Variants in ATP12A observed in about 807,000 individuals in gnomAD.
The protein encoded by ATP12A is potassium-transporting ATPase alpha chain 2.
Under a neutral mutation model 111.2 loss-of-function variants are expected in ATP12A, and 81 were observed. That is an observed-to-expected ratio of 0.73 (90% confidence interval 0.61 to 0.88). The LOEUF (loss-of-function observed/expected upper bound fraction) is 0.88. Ranked by LOEUF, ATP12A falls within the 40% of genes least tolerant of loss-of-function variation. ATP12A has a pLI of 0.00. For missense variants in ATP12A, 1,196 were observed against 1,313.1 expected (o/e 0.91, Z 1.38); for synonymous variants, 498 against 499.8 (o/e 1.00, Z 0.05).
Position 24,691,267 on chromosome 13 carries a change from A to T in ATP12A, c.1068+17A>T. 6.2e-7 allele frequency: 1 copy of T among 1,600,324 alleles called. No homozygotes were observed. The highest frequency in any genetic ancestry group is 8.5e-7 in the Non-Finnish European group (1 of 1,173,860). ...ACTGTCACTGTGAGTCCATGCTGTT[A>T]GACAGCCTGCACCTGGCCCTGTGGA... On this transcript the variant is annotated intron_variant, in intron 8 of 22. Transcript: ENST00000381946.
At position 24,692,838 on chromosome 13, in the gene ATP12A, T is replaced by C. The variant is rs1432158534; in HGVS notation, c.1319T>C (p.Ile440Thr). The C allele has an allele frequency of 6.2e-7, 1 of 1,614,070 alleles. No individual in the cohort carries two copies. The highest frequency in any genetic ancestry group is 1.3e-5 in the African/African-American group (1 of 74,918). The part of the protein sequence containing the change: ...SRTWASLSKI[I>T]TLCNRAEFKP... ...ACTTGGGCCTCCTTATCCAAGATAA[T>C]AACATTGTGTAACCGAGCAGAGTTC... The change falls in exon 10 of 23, where the codon ATA (isoleucine) becomes ACA (threonine). Residue 440 changes from isoleucine (I) to threonine (T), a missense_variant. By Grantham distance (89) the Ile-to-Thr change is moderately conservative. Coordinates refer to ENST00000381946, the MANE Select transcript of ATP12A (RefSeq NM_001676.7).
chr13:24,695,512 A>ATGG (rs1875113439), intron 11 of ATP12A, among the ~76,000 whole-genome samples: 2 of 152,084 alleles, frequency 1.3e-5, no homozygotes, highest in Middle Eastern at 3.4e-3. Flanking sequence ...AAGTATAGAA[A>ATGG]TGGAATAACC....
chr13:24,703,164 G>T (rs1399348613), intron 14 of ATP12A, among the ~76,000 whole-genome samples: 1 of 152,118 alleles, frequency 6.6e-6, no homozygotes, highest in African/African-American at 2.4e-5. Context: ...CAACTTTGGG[G>T]CTTGTTTATT....
intron 19 of ATP12A, 38 bp downstream of exon 19, chr13:24,709,866 T>C: frequency 6.2e-7 from 1 of 1,610,568 alleles, no homozygotes; most frequent in Non-Finnish European, 8.5e-7. Flanking sequence ...TCCACCTGAT[T>C]CTCTCCATGC....
At chr13:24,697,470 C>CA (rs1008447906) in intron 11 of ATP12A, among the ~76,000 whole-genome samples, 12 of 150,544 alleles carry the variant, frequency 8.0e-5, no homozygotes, top group Middle Eastern at 3.2e-3. Context: ...CTTATCTCTA[C>CA]AAAAAAAACA....
intron 17 of ATP12A, among the ~76,000 whole-genome samples, chr13:24,708,028 G>C (rs1259166643): frequency 3.3e-5 from 5 of 152,056 alleles, no homozygotes; most frequent in African/African-American, 1.2e-4. Context: ...CAGCCTATGG[G>C]CTTCCCTTTT....
At position 24,691,535 on chromosome 13, in the gene ATP12A, TC is replaced by T. The variant is rs547360293; in HGVS notation, c.1068+286del. ...ATCTAGATAAGACAGACTCCACCAT[TC>T]ACAGGTTTTCTAGAAGCTTGATGCC... On this transcript the variant is annotated intron_variant, in intron 8 of 22. Transcript: ENST00000381946. Among the ~76,000 whole-genome samples, 23 of 152,302 alleles carry T rather than the reference TC, an allele frequency of 1.5e-4. No individual in the cohort carries two copies. In the East Asian group the frequency reaches 3.3e-3, roughly 22 times the overall value.
At position 24,709,721 on chromosome 13, in the gene ATP12A, A is replaced by G. The variant is rs1005973407; in HGVS notation, c.2656A>G (p.Thr886Ala). The G allele has an allele frequency of 6.2e-7, 1 of 1,614,094 alleles. No homozygotes were observed. The change falls in exon 19 of 23, where the codon ACC (threonine) becomes GCC (alanine). Residue 886 changes from threonine to alanine, a missense_variant. This residue lies in a region of ATP12A where 1,126 missense variants were observed against 1,228.5 expected (regional missense o/e 0.92). Transcript: ENST00000381946. ...QALGAFLVYFTVYAQEGFLPR... is the reference protein window; with the variant it reads ...QALGAFLVYFAVYAQEGFLPR... ...CCTGGGAGCTTTCCTTGTGTATTTC[A>G]CCGTCTATGCACAAGAGGGCTTTCT...
At chr13:24,708,937 GAAAGAA>G (rs1299538209) in intron 17 of ATP12A, among the ~76,000 whole-genome samples, 1 of 142,876 alleles carries the variant, frequency 7.0e-6, no homozygotes, top group African/African-American at 2.8e-5. Context: ...AAGAAAGAAA[GAAAGAA>G]AGAAAGAAAG....
At chr13:24,699,977 C>T (rs900068742) in intron 12 of ATP12A, among the ~76,000 whole-genome samples, 8 of 152,158 alleles carry the variant, frequency 5.3e-5, no homozygotes, top group Non-Finnish European at 1.0e-4. Flanking sequence ...CCCACAGTAC[C>T]GGGTATTCTA....
chr13:24,681,275 G>A (rs1874419643), intron 1 of ATP12A, among the ~76,000 whole-genome samples: 1 of 152,062 alleles, frequency 6.6e-6, no homozygotes, highest in African/African-American at 2.4e-5. Flanking sequence ...TCAGGAGTTG[G>A]GGGGGTAACT....
intron 11 of ATP12A, among the ~76,000 whole-genome samples, chr13:24,697,709 T>C (rs1875224858): frequency 1.2e-5 from 1 of 86,950 alleles, no homozygotes; most frequent in Non-Finnish European, 2.3e-5. Context: ...TTTTAGAAAG[T>C]GATAGAGCTG....
intron 8 of ATP12A, among the ~76,000 whole-genome samples, chr13:24,691,646 A>T (rs911518098): frequency 6.6e-6 from 1 of 151,272 alleles, no homozygotes; most frequent in Non-Finnish European, 1.5e-5. Flanking sequence ...CGAAAAAAAA[A>T]AATTCCTCCC....
At chr13:24,708,862 GAGAGAA>G (rs966837159) in intron 17 of ATP12A, among the ~76,000 whole-genome samples, 11 of 127,496 alleles carry the variant, frequency 8.6e-5, no homozygotes, top group Middle Eastern at 3.9e-3. Context: ...GAGAGGGAAA[GAGAGAA>G]AGAGAAAGAG....
Position 24,685,843 on chromosome 13 carries a change from G to C in ATP12A, c.228+470G>C, listed in dbSNP as rs1874646314. On this transcript the variant is annotated intron_variant, in intron 3 of 22. Coordinates refer to ENST00000381946, the MANE Select transcript of ATP12A (RefSeq NM_001676.7). The surrounding 1 kb of genome is among the most constrained non-coding windows in gnomAD (Gnocchi z 5.5). Reference sequence around the variant, plus strand: ...GGACCCCAGGGCCAGTAAGCACAGAGCCTGCTTGGAGAGAATCTGGGCTTG... The same window carrying C: ...GGACCCCAGGGCCAGTAAGCACAGACCCTGCTTGGAGAGAATCTGGGCTTG... 6.6e-6 allele frequency among the ~76,000 whole-genome samples: 1 copy of C among 152,260 alleles called. No homozygotes were observed. The highest frequency in any genetic ancestry group is 2.4e-5 in the African/African-American group (1 of 41,478).
chr13:24,707,554 G>A, intron 17 of ATP12A, 121 bp downstream of exon 17: 1 of 1,312,314 alleles, frequency 7.6e-7, no homozygotes, highest in East Asian at 2.3e-5. Context: ...CATGTGATGG[G>A]GCCTGTAGCT....
intron 5 of ATP12A, among the ~76,000 whole-genome samples, chr13:24,689,727 TG>T (rs757597173): frequency 1.8e-3 from 267 of 152,300 alleles, no homozygotes; most frequent in Non-Finnish European, 3.2e-3. Flanking sequence ...TGACCATTTT[TG>T]CTCCTGAGCC....
chr13:24,709,475 T>C lies in ATP12A; in HGVS notation c.2605T>C (p.Tyr869His), dbSNP rs1311607602. 3.1e-6 allele frequency: 5 copies of C among 1,613,948 alleles called. No individual in the cohort carries two copies. Among genetic ancestry groups the C allele is most frequent in the Non-Finnish European group, 3.4e-6 (4 of 1,179,944 alleles). ...GAACCAGCCGCTCGCTGTGTACTCA[T>C]ACCTGCACATTGGTACGATGAGGGC... ...LVNQPLAVYS[Y>H]LHIGLMQALG... Residue 869 changes from tyrosine to histidine, a missense_variant, in exon 18 of 23, where the codon TAC (tyrosine) becomes CAC (histidine). Transcript: ENST00000381946.
intron 17 of ATP12A, among the ~76,000 whole-genome samples, chr13:24,708,939 A>AAGAG (rs1462531628): frequency 1.4e-5 from 2 of 143,798 alleles, no homozygotes; most frequent in Non-Finnish European, 3.0e-5. Flanking sequence ...GAAAGAAAGA[A>AAGAG]AGAAAGAAAG....
Sources: gnomAD v4.1 joint callset for allele counts (sites outside exome capture counted in the v4.1 genomes callset) on GRCh38, gnomAD v4.1.1 for gene constraint, gnomAD v4.1.1 regional missense constraint, Gnocchi (gnomAD v3.1) non-coding constraint, MANE v1.5 for transcripts, NCBI Gene and HGNC (gene_info 2026-07-23, HGNC 2026-07-21) for gene names.